ROR2: variants seen among roughly 807,000 people sequenced by gnomAD.
ROR2 encodes tyrosine-protein kinase transmembrane receptor ROR2.
A neutral mutation model predicts 74.9 loss-of-function variants in ROR2; 33 were observed. That is an observed-to-expected ratio of 0.44 (90% CI 0.33 to 0.59). The LOEUF is 0.59. ROR2 is among the 20% of genes least tolerant of loss of function. The probability of loss-of-function intolerance (pLI) is 0.02; values close to 1 mark genes in which losing one functional copy is unlikely to be tolerated. For synonymous variants in ROR2, 586 were observed against 558.7 expected (o/e 1.05, Z -0.69); for missense variants, 1,216 against 1,313.8 (o/e 0.93, Z 1.15).
At chr9:91,930,941 T>A (rs1023966566) in intron 1 of ROR2, among the ~76,000 whole-genome samples, 1 of 152,328 alleles carries the variant, frequency 6.6e-6, no homozygotes, top group Admixed American at 6.5e-5. Context: ...AAATTCATAG[T>A]ATTTGTCTGG....
chr9:91,744,955 T>C (rs1400967908), intron 4 of ROR2, among the ~76,000 whole-genome samples: 1 of 152,172 alleles, frequency 6.6e-6, no homozygotes, highest in Non-Finnish European at 1.5e-5. Context: ...TCACTGTGCA[T>C]AATATGGTGT....
At chr9:91,788,630 C>T (rs574057889) in intron 1 of ROR2, among the ~76,000 whole-genome samples, 2 of 152,112 alleles carry the variant, frequency 1.3e-5, no homozygotes, top group African/African-American at 2.4e-5. Flanking sequence ...TTCGGGAGGC[C>T]GAGGTGGGCA....
chr9:91,901,263 AT>A (rs1376984632), intron 1 of ROR2, among the ~76,000 whole-genome samples: 1 of 152,224 alleles, frequency 6.6e-6, no homozygotes, highest in Non-Finnish European at 1.5e-5. Flanking sequence ...AACTGTACCC[AT>A]GGGAAATGCA....
At chr9:91,876,740 C>T (rs1382732749) in intron 1 of ROR2, among the ~76,000 whole-genome samples, 1 of 151,808 alleles carries the variant, frequency 6.6e-6, no homozygotes, top group East Asian at 1.9e-4. Context: ...GTATTGAAAT[C>T]AAAATAGGAT....
At chr9:91,777,696 G>A (rs77055208) in intron 1 of ROR2, among the ~76,000 whole-genome samples, 2,830 of 151,960 alleles carry the variant, frequency 0.019, 86 homozygotes, top group African/African-American at 0.065. Flanking sequence ...TCATCCCCCC[G>A]CCAACTCTAT....
chr9:91,812,901 G>A (rs947422562), intron 1 of ROR2, among the ~76,000 whole-genome samples: 3 of 152,104 alleles, frequency 2.0e-5, no homozygotes, highest in Non-Finnish European at 4.4e-5. Context: ...CTCTCTACCT[G>A]GAGCCAATGT....
chr9:91,770,645 TC>T (rs1333004862), intron 2 of ROR2, among the ~76,000 whole-genome samples: 1 of 152,182 alleles, frequency 6.6e-6, no homozygotes, highest in Non-Finnish European at 1.5e-5. Context: ...AAAGTAACTT[TC>T]TGTGGGGTCC....
rs771562642 is a variant in ROR2, at chr9:91,737,388, T to G, written c.622+3A>C. 10 of 1,614,174 alleles carry G rather than the reference T, an allele frequency of 6.2e-6. No homozygotes were observed. The South Asian group carries it at 6.6e-5, about 11-fold the overall frequency. ...TCCTGGGAGAAAGGTCTGCAGCTCC[T>G]ACCTGTGATTCGGTTTTCAATCTCC... On this transcript the variant is annotated splice_donor_region_variant and intron_variant, in intron 5 of 8. Transcript: ENST00000375708.
chr9:91,900,401 GC>G (rs34719012), intron 1 of ROR2, among the ~76,000 whole-genome samples: 1 of 152,222 alleles, frequency 6.6e-6, no homozygotes, highest in African/African-American at 2.4e-5. Flanking sequence ...CCTGGCGCAG[GC>G]CCCCCCACGC....
chr9:91,807,102 G>T (rs1827592845), intron 1 of ROR2, among the ~76,000 whole-genome samples: 2 of 152,234 alleles, frequency 1.3e-5, no homozygotes, highest in African/African-American at 4.8e-5. Context: ...GCTATGTAGA[G>T]AAGGAAGGCT....
At chr9:91,792,521 G>GA (rs1827032798) in intron 1 of ROR2, among the ~76,000 whole-genome samples, 1 of 152,152 alleles carries the variant, frequency 6.6e-6, no homozygotes, top group South Asian at 2.1e-4. Context: ...TGTTAGCCAA[G>GA]ATGGTCTCGA....
At chr9:91,931,219 C>A (rs1831541478) in intron 1 of ROR2, among the ~76,000 whole-genome samples, 1 of 152,102 alleles carries the variant, frequency 6.6e-6, no homozygotes. Flanking sequence ...CTGTCTGAAT[C>A]CAAACAACTA....
At chr9:91,916,441 G>C (rs764799473) in intron 1 of ROR2, among the ~76,000 whole-genome samples, 7 of 152,186 alleles carry the variant, frequency 4.6e-5, no homozygotes, top group South Asian at 2.1e-4. Context: ...TCCCTGCAGG[G>C]AGTCCTGAGG....
At chr9:91,860,387 T>C (rs769048865) in intron 1 of ROR2, among the ~76,000 whole-genome samples, 5 of 152,144 alleles carry the variant, frequency 3.3e-5, no homozygotes, top group South Asian at 2.1e-4. Context: ...AGGGGGAAGA[T>C]AGTCCATCTT....
At chr9:91,866,644 G>A (rs1829644333) in intron 1 of ROR2, among the ~76,000 whole-genome samples, 1 of 151,956 alleles carries the variant, frequency 6.6e-6, no homozygotes, top group Non-Finnish European at 1.5e-5. Context: ...TTGCTGCACT[G>A]AACAGTAAGG....
intron 1 of ROR2, among the ~76,000 whole-genome samples, chr9:91,869,905 T>C (rs1327992878): frequency 3.3e-5 from 5 of 152,248 alleles, no homozygotes; most frequent in African/African-American, 1.2e-4. Flanking sequence ...TCAAGTATCC[T>C]GTTAAAATGT....
chr9:91,879,029 G>A (rs1007868473), intron 1 of ROR2, among the ~76,000 whole-genome samples: 4 of 151,402 alleles, frequency 2.6e-5, no homozygotes, highest in Non-Finnish European at 5.9e-5. Flanking sequence ...GCGACAGAGC[G>A]AGACTCCATC....
chr9:91,890,331 G>A (rs10992151), intron 1 of ROR2, among the ~76,000 whole-genome samples: 41,960 of 152,048 alleles, frequency 0.28, 6,070 homozygotes, highest in Admixed American at 0.42. Context: ...TCCACATAAG[G>A]AGGCAGGAAT....
chr9:91,788,583 G>A (rs1170880603), intron 1 of ROR2, among the ~76,000 whole-genome samples: 1 of 152,030 alleles, frequency 6.6e-6, no homozygotes, highest in Non-Finnish European at 1.5e-5. Context: ...TCAATATGCA[G>A]GCCAGGCGTG....
Sources: gnomAD v4.1 joint callset for allele counts (sites outside exome capture counted in the v4.1 genomes callset) on GRCh38, gnomAD v4.1.1 for gene constraint, MANE v1.5 for transcripts, NCBI Gene and HGNC (gene_info 2026-07-23, HGNC 2026-07-21) for gene names.